RORA: variants seen among roughly 807,000 people sequenced by gnomAD.
The protein encoded by RORA is nuclear receptor ROR-alpha.
Under a neutral mutation model 69.5 loss-of-function variants are expected in RORA, and 7 were observed. The observed-to-expected ratio is 0.10, with a 90% CI of 0.06 to 0.19. RORA has a LOEUF of 0.19. RORA is among the 10% of genes least tolerant of loss of function. The pLI is 1.00. For synonymous variants in RORA, 261 were observed against 240.8 expected (o/e 1.08, Z -0.78); for missense variants, 457 against 663.0 (o/e 0.69, Z 3.41).
intron 2 of RORA, among the ~76,000 whole-genome samples, chr15:60,552,413 T>C (rs1274395741): frequency 6.6e-6 from 1 of 152,180 alleles, no homozygotes. Context: ...CTACAAAGCC[T>C]TTATCAGTCC....
At chr15:60,760,771 G>A (rs549356324) in intron 1 of RORA, among the ~76,000 whole-genome samples, 1 of 152,108 alleles carries the variant, frequency 6.6e-6, no homozygotes, top group Non-Finnish European at 1.5e-5. Context: ...CAAGTCGTGT[G>A]ATCCAGTGGA....
intron 1 of RORA, among the ~76,000 whole-genome samples, chr15:60,890,977 A>G (rs2073807153): frequency 6.6e-6 from 1 of 152,216 alleles, no homozygotes; most frequent in Non-Finnish European, 1.5e-5. Flanking sequence ...TTCATGTCCA[A>G]ATCACAAGGA....
In RORA at chr15:61,024,270, CT is replaced by C. The variant is rs34008494; in HGVS notation, c.166+204782del. On this transcript the variant is annotated intron_variant, in intron 1 of 10. Transcript: ENST00000335670. Reference sequence around the variant, plus strand: ...GAAAAAGCAGAACTTTCTTGGATCTCTTTTTTTTTTTTTTTTTTTTTTTTGA... The same window carrying C: ...GAAAAAGCAGAACTTTCTTGGATCTCTTTTTTTTTTTTTTTTTTTTTTTGA... Among the ~76,000 whole-genome samples the C allele has an allele frequency of 3.0e-3, 239 of 79,398 alleles. 2 individuals carry two copies. The highest frequency in any genetic ancestry group is 9.0e-3 in the African/African-American group (181 of 20,098). The allele number at this position is 79,398 out of a possible 152,430, so 52.1% of individuals were successfully genotyped here. A position where few individuals can be genotyped will look rare whatever the true frequency, so the allele number is the denominator to read the frequency against.
intron 1 of RORA, among the ~76,000 whole-genome samples, chr15:61,180,249 T>C (rs1197120389): frequency 6.6e-6 from 1 of 151,202 alleles, no homozygotes. Flanking sequence ...AGGATCCAGG[T>C]AGGTAGCAGT....
At chr15:60,504,861 G>A (rs996882055) in intron 6 of RORA, among the ~76,000 whole-genome samples, 1 of 152,172 alleles carries the variant, frequency 6.6e-6, no homozygotes, top group Non-Finnish European at 1.5e-5. Context: ...ATATGATGGG[G>A]TGGAAGAAAC....
chr15:60,944,106 T>C (rs984139290), intron 1 of RORA, among the ~76,000 whole-genome samples: 1 of 152,010 alleles, frequency 6.6e-6, no homozygotes, highest in African/African-American at 2.4e-5. Flanking sequence ...GAGTTGTCCA[T>C]CTGTCAAAGA....
intron 1 of RORA, among the ~76,000 whole-genome samples, chr15:61,202,318 C>T (rs943256866): frequency 1.3e-5 from 2 of 152,104 alleles, no homozygotes; most frequent in South Asian, 2.1e-4. Context: ...CCCAACCCTA[C>T]TTGATCTTAA....
At chr15:61,033,152 G>A (rs1416535677) in intron 1 of RORA, among the ~76,000 whole-genome samples, 1 of 152,150 alleles carries the variant, frequency 6.6e-6, no homozygotes, top group African/African-American at 2.4e-5. Context: ...GTTTGTGCAT[G>A]TTGATCACTG....
intron 2 of RORA, among the ~76,000 whole-genome samples, chr15:60,599,536 G>A (rs907049701): frequency 6.6e-5 from 10 of 152,028 alleles, no homozygotes; most frequent in African/African-American, 1.7e-4. Context: ...GGGCGACAGA[G>A]CAAGACTCTG....
intron 2 of RORA, among the ~76,000 whole-genome samples, chr15:60,646,831 C>G (rs1384979554): frequency 6.6e-6 from 1 of 152,236 alleles, no homozygotes; most frequent in Admixed American, 6.5e-5. Context: ...TTGGGCAAGT[C>G]ACATAGCTCC....
intron 1 of RORA, among the ~76,000 whole-genome samples, chr15:60,887,300 G>A (rs759331821): frequency 6.6e-6 from 1 of 152,182 alleles, no homozygotes; most frequent in Non-Finnish European, 1.5e-5. Flanking sequence ...TTGGCCAGTT[G>A]TGAAGACATA....
intron 2 of RORA, among the ~76,000 whole-genome samples, chr15:60,586,454 G>C (rs2068337560): frequency 6.6e-6 from 1 of 151,940 alleles, no homozygotes; most frequent in South Asian, 2.1e-4. Flanking sequence ...CGTATTAGAG[G>C]GGTGTGTGTG....
At chr15:61,120,495 C>G (rs1031197270) in intron 1 of RORA, among the ~76,000 whole-genome samples, 16 of 151,838 alleles carry the variant, frequency 1.1e-4, no homozygotes, top group Non-Finnish European at 1.5e-4. Flanking sequence ...TTCAGGAGAT[C>G]GAGACCACCC....
intron 1 of RORA, among the ~76,000 whole-genome samples, chr15:61,150,966 C>T (rs956627009): frequency 1.4e-4 from 22 of 152,202 alleles, no homozygotes; most frequent in African/African-American, 5.1e-4. Context: ...AAGGCAAAGA[C>T]TTACCTTACC....
At chr15:60,750,114 C>G (rs1174402789) in intron 1 of RORA, among the ~76,000 whole-genome samples, 3 of 152,200 alleles carry the variant, frequency 2.0e-5, no homozygotes, top group African/African-American at 7.2e-5. Context: ...TTCACTACAT[C>G]CCTACAGATG....
intron 1 of RORA, among the ~76,000 whole-genome samples, chr15:60,707,740 C>T (rs1168453440): frequency 6.6e-6 from 1 of 152,168 alleles, no homozygotes. Flanking sequence ...TTAATAACCT[C>T]GTTGACCTCT....
chr15:60,556,131 T>G (rs1378288377), intron 2 of RORA, among the ~76,000 whole-genome samples: 1 of 146,836 alleles, frequency 6.8e-6, no homozygotes, highest in Non-Finnish European at 1.5e-5. Flanking sequence ...GATTTCTCAC[T>G]CTCTGTAAAT....
At chr15:61,018,607 C>T (rs564098455) in intron 1 of RORA, among the ~76,000 whole-genome samples, 3 of 151,930 alleles carry the variant, frequency 2.0e-5, no homozygotes, top group Non-Finnish European at 2.9e-5. Flanking sequence ...CATGTATATA[C>T]GGAGCATGCA....
At chr15:60,619,831 T>A (rs1166575751) in intron 2 of RORA, among the ~76,000 whole-genome samples, 1 of 152,228 alleles carries the variant, frequency 6.6e-6, no homozygotes, top group African/African-American at 2.4e-5. Context: ...ACCACAGGCA[T>A]TGTTTGAGGC....
Sources: gnomAD v4.1 joint callset for allele counts (sites outside exome capture counted in the v4.1 genomes callset) on GRCh38, gnomAD v4.1.1 for gene constraint, MANE v1.5 for transcripts, NCBI Gene and HGNC (gene_info 2026-07-23, HGNC 2026-07-21) for gene names.